Variants in GPC5 observed in about 807,000 individuals in gnomAD.
GPC5 encodes glypican-5.
A neutral mutation model predicts 53.9 loss-of-function variants in GPC5; 47 were observed. That is an observed-to-expected ratio of 0.87 (90% CI 0.69 to 1.11). The LOEUF (loss-of-function observed/expected upper bound fraction) is 1.11, where lower values mean the gene tolerates loss of function less well. GPC5 is among the 50% of genes most tolerant of loss of function. The pLI is 0.00. For missense variants in GPC5, 748 were observed against 713.1 expected (o/e 1.05, Z -0.56); for synonymous variants, 286 against 263.3 (o/e 1.09, Z -0.84).
intron 7 of GPC5, among the ~76,000 whole-genome samples, chr13:92,420,466 G>A (rs1159699509): frequency 2.0e-5 from 3 of 151,534 alleles, no homozygotes; most frequent in African/African-American, 4.9e-5. Context: ...TGCAAAATGA[G>A]GTATCCATCC....
chr13:92,049,195 T>C (rs1303434527), intron 6 of GPC5, among the ~76,000 whole-genome samples: 1 of 152,152 alleles, frequency 6.6e-6, no homozygotes, highest in Non-Finnish European at 1.5e-5. Flanking sequence ...ATAATTGGGA[T>C]AATCTGATCA....
At chr13:92,019,363 G>T (rs1168886152) in intron 6 of GPC5, among the ~76,000 whole-genome samples, 6 of 152,054 alleles carry the variant, frequency 3.9e-5, no homozygotes, top group Non-Finnish European at 5.9e-5. Context: ...CACAGCTTAT[G>T]TACGTGATTG....
chr13:91,720,810 C>T (rs1326194122), intron 3 of GPC5, among the ~76,000 whole-genome samples: 1 of 152,084 alleles, frequency 6.6e-6, no homozygotes, highest in African/African-American at 2.4e-5. Context: ...CAAAAGATAC[C>T]AGAGATTCAT....
chr13:91,632,753 A>G (rs994536465), intron 2 of GPC5, among the ~76,000 whole-genome samples: 3 of 152,174 alleles, frequency 2.0e-5, no homozygotes, highest in Admixed American at 2.0e-4. Flanking sequence ...CCTAACTTCT[A>G]AAACAATCAA....
chr13:92,447,476 T>G (rs1877875544), intron 7 of GPC5: 1 of 151,998 alleles, frequency 6.6e-6, no homozygotes, highest in Admixed American at 6.6e-5. Context: ...GAATAGAAGC[T>G]TTTTTAGTAG....
At chr13:92,571,687 A>G (rs961801332) in intron 7 of GPC5, among the ~76,000 whole-genome samples, 2 of 152,212 alleles carry the variant, frequency 1.3e-5, no homozygotes, top group African/African-American at 4.8e-5. Context: ...TAAAATATAA[A>G]TATGAAACTG....
chr13:92,295,542 C>G (rs1269884391), intron 7 of GPC5, among the ~76,000 whole-genome samples: 1 of 152,120 alleles, frequency 6.6e-6, no homozygotes, highest in Non-Finnish European at 1.5e-5. Flanking sequence ...CTGTCTAGTG[C>G]TGTCAGTGGA....
At chr13:92,807,429 T>A (rs1877137607) in intron 7 of GPC5, among the ~76,000 whole-genome samples, 1 of 152,074 alleles carries the variant, frequency 6.6e-6, no homozygotes, top group Admixed American at 6.6e-5. Flanking sequence ...TGAGGTAGAT[T>A]ATCAAAATCA....
At chr13:92,516,755 G>A (rs561996509) in intron 7 of GPC5, among the ~76,000 whole-genome samples, 4 of 152,228 alleles carry the variant, frequency 2.6e-5, no homozygotes, top group African/African-American at 7.2e-5. Flanking sequence ...CAGCATGAGC[G>A]ATGCAGGATG....
intron 2 of GPC5, among the ~76,000 whole-genome samples, chr13:91,497,790 T>C (rs1173963775): frequency 6.6e-6 from 1 of 152,134 alleles, no homozygotes; most frequent in Non-Finnish European, 1.5e-5. Context: ...GAAAACAAAG[T>C]TATTCTTTCT....
At chr13:92,840,078 C>CATAT (rs4001881) in intron 7 of GPC5, among the ~76,000 whole-genome samples, 395 of 98,716 alleles carry the variant, frequency 4.0e-3, no homozygotes, top group East Asian at 6.1e-3. Flanking sequence ...TATATACATA[C>CATAT]ATATATATAT....
At chr13:91,650,554 G>A (rs1341793813) in intron 2 of GPC5, among the ~76,000 whole-genome samples, 1 of 151,550 alleles carries the variant, frequency 6.6e-6, no homozygotes, top group Non-Finnish European at 1.5e-5. Context: ...AACAAGATGA[G>A]TAAACTTTGA....
Position 91,910,047 on chromosome 13 carries a change from A to C in GPC5, c.1401+1990A>C, listed in dbSNP as rs570436690. Among the ~76,000 whole-genome samples the C allele has an allele frequency of 3.9e-5, 6 of 152,308 alleles. No homozygotes were observed. In the South Asian group the frequency reaches 1.2e-3, roughly 32 times the overall value. Reference sequence around the variant, plus strand: ...AAATACAATGCTACCTTTGAGGTCTATCCTTTTAAGGTCTACTAGAATTAT... The same window carrying C: ...AAATACAATGCTACCTTTGAGGTCTCTCCTTTTAAGGTCTACTAGAATTAT... On this transcript the variant is annotated intron_variant, in intron 6 of 7. Transcript: ENST00000377067.
At chr13:91,592,135 C>T (rs2032822132) in intron 2 of GPC5, among the ~76,000 whole-genome samples, 1 of 152,088 alleles carries the variant, frequency 6.6e-6, no homozygotes, top group Non-Finnish European at 1.5e-5. Flanking sequence ...TTTAGATGGC[C>T]AAGACTCTGT....
intron 6 of GPC5, among the ~76,000 whole-genome samples, chr13:91,962,072 A>G (rs1477735854): frequency 6.6e-6 from 1 of 152,182 alleles, no homozygotes; most frequent in Non-Finnish European, 1.5e-5. Flanking sequence ...TCATATGGTT[A>G]AATTCATTTG....
chr13:91,520,844 A>G (rs1885773525), intron 2 of GPC5, among the ~76,000 whole-genome samples: 1 of 152,128 alleles, frequency 6.6e-6, no homozygotes, highest in South Asian at 2.1e-4. Context: ...AAACTAGAAT[A>G]GTTTAACAGA....
intron 7 of GPC5, among the ~76,000 whole-genome samples, chr13:92,298,953 G>A (rs943286): frequency 0.22 from 33,545 of 152,032 alleles, 3,835 homozygotes; most frequent in South Asian, 0.34. Context: ...ACTTGCTGAT[G>A]AAAACAAATT....
At chr13:92,443,365 A>C (rs1275332571) in intron 7 of GPC5, among the ~76,000 whole-genome samples, 2 of 152,224 alleles carry the variant, frequency 1.3e-5, no homozygotes, top group Non-Finnish European at 2.9e-5. Context: ...AAAGATATCC[A>C]AACCATATTT....
intron 2 of GPC5, among the ~76,000 whole-genome samples, chr13:91,654,539 T>C (rs1043922017): frequency 6.6e-6 from 1 of 151,578 alleles, no homozygotes; most frequent in Non-Finnish European, 1.5e-5. Context: ...TTAAAACACA[T>C]ACATATATAC....
Sources: allele counts gnomAD v4.1 joint callset (sites outside exome capture counted in the v4.1 genomes callset), GRCh38; gene constraint gnomAD v4.1.1; transcripts MANE v1.5; gene names NCBI Gene and HGNC (gene_info 2026-07-23, HGNC 2026-07-21).